Variants in PALM observed in about 807,000 individuals in gnomAD.
PALM encodes the protein paralemmin.
Under a neutral mutation model 30.7 loss-of-function variants are expected in PALM, and 18 were observed. That is an observed-to-expected ratio of 0.59 (90% CI 0.41 to 0.87). PALM has a LOEUF of 0.87. Ranked by LOEUF, PALM falls within the 40% of genes least tolerant of loss-of-function variation. The pLI is 0.00. For missense variants in PALM, 529 were observed against 555.4 expected, an observed-to-expected ratio of 0.95 and a Z score of 0.48; for synonymous variants, 286 against 242.8, an observed-to-expected ratio of 1.18 and a Z score of -1.66.
At chr19:737,560 G>A (rs2033059331) in intron 7 of PALM, among the ~76,000 whole-genome samples, 1 of 140,620 alleles carries the variant, frequency 7.1e-6, no homozygotes, top group Non-Finnish European at 1.6e-5. Context: ...GAGGGCTCAG[G>A]GGAGGGGAGC....
chr19:714,854 C>T (rs2032206668), intron 1 of PALM, among the ~76,000 whole-genome samples: 1 of 152,062 alleles, frequency 6.6e-6, no homozygotes, highest in Non-Finnish European at 1.5e-5. Flanking sequence ...CGGGGTCTCC[C>T]TGTGTTGCCC....
intron 4 of PALM, among the ~76,000 whole-genome samples, chr19:729,451 G>T (rs1035889657): frequency 4.7e-5 from 7 of 149,014 alleles, no homozygotes; most frequent in South Asian, 2.1e-4. Flanking sequence ...AAAATCCCAC[G>T]GTGCGTCTTT....
chr19:738,376 A>G (rs960786034), intron 7 of PALM, among the ~76,000 whole-genome samples: 18 of 152,142 alleles, frequency 1.2e-4, no homozygotes, highest in African/African-American at 4.3e-4. Flanking sequence ...AATACAAAAA[A>G]TTAGCTGGGC....
chr19:744,425 A>G (rs942016082), intron 8 of PALM, among the ~76,000 whole-genome samples: 1 of 151,714 alleles, frequency 6.6e-6, no homozygotes, highest in African/African-American at 2.4e-5. Context: ...TAGAAAGTGA[A>G]TAACATCATC....
rs150319495 is a variant in PALM, at chr19:733,855, G to A, written c.421-318G>A. Among the ~76,000 whole-genome samples, 22 of 152,264 alleles carry A rather than the reference G, an allele frequency of 1.4e-4. No individual in the cohort carries two copies. In the East Asian group the frequency reaches 3.9e-3, roughly 27 times the overall value. The stretch of plus-strand genomic sequence containing the variant: ...TACAAAATTAGCCAGGTGCGATGAC[G>A]CAGGCCTGTAACCCCAGCTACTGGG... On this transcript the variant is annotated intron_variant, in intron 5 of 8. Coordinates refer to ENST00000338448, the MANE Select transcript of PALM (RefSeq NM_002579.3).
intron 2 of PALM, 52 bp downstream of exon 2, chr19:726,241 G>C (rs533188204): frequency 2.0e-6 from 3 of 1,526,858 alleles, no homozygotes; most frequent in African/African-American, 2.7e-5. Context: ...GAAGTGGGGG[G>C]ACCTGGGGTC....
chr19:712,415 C>T (rs2032109215), intron 1 of PALM, among the ~76,000 whole-genome samples: 1 of 151,704 alleles, frequency 6.6e-6, no homozygotes, highest in African/African-American at 2.4e-5. Flanking sequence ...GAGACAGAGT[C>T]TTGCTCCATC....
In PALM at chr19:732,380, A is replaced by G. The variant is rs557821914; in HGVS notation, c.420+1135A>G. On this transcript the variant is annotated intron_variant, in intron 5 of 8. Coordinates refer to ENST00000338448, the MANE Select transcript of PALM (RefSeq NM_002579.3). ...TCGGCTGTTAATTCTGGCATCTGCC[A>G]TCTAAGCCAGACGATGTTAAAACCA... is the stretch of plus-strand genomic sequence containing the variant. 1.1e-4 allele frequency among the ~76,000 whole-genome samples: 16 copies of G among 152,306 alleles called. No homozygotes were observed. The South Asian group carries it at 3.1e-3, about 30-fold the overall frequency.
At chr19:713,175 G>GGC (rs76566011) in intron 1 of PALM, among the ~76,000 whole-genome samples, 43,630 of 151,664 alleles carry the variant, frequency 0.29, 6,910 homozygotes, top group East Asian at 0.44. Context: ...GGTCTTGTGG[G>GGC]GCGTGGTGGT....
rs551691104 is a variant in PALM, at chr19:734,087, C to T, written c.421-86C>T. 2.2e-4 allele frequency: 280 copies of T among 1,283,534 alleles called. 1 individual carries two copies. The East Asian group carries it at 6.3e-3, about 29-fold the overall frequency. The allele number at this position is 1,283,534 out of a possible 1,614,324, so 79.5% of individuals were successfully genotyped here. A position where few individuals can be genotyped will look rare whatever the true frequency, so the allele number is the denominator to read the frequency against. On this transcript the variant is annotated intron_variant, in intron 5 of 8. Coordinates refer to ENST00000338448, the MANE Select transcript of PALM (RefSeq NM_002579.3). ...GTATGACGTCACCCACTGTGCCATG[C>T]CCTCCCCAGGCTCCTGACCCCATGG...
intron 5 of PALM, among the ~76,000 whole-genome samples, chr19:731,893 C>T (rs185777232): frequency 1.3e-5 from 2 of 151,978 alleles, no homozygotes; most frequent in East Asian, 1.9e-4. Flanking sequence ...AACTCCTGAC[C>T]TCAGGTGATC....
intron 1 of PALM, among the ~76,000 whole-genome samples, chr19:716,990 C>T (rs539894504): frequency 7.9e-5 from 12 of 151,740 alleles, no homozygotes; most frequent in African/African-American, 2.7e-4. Context: ...AGTGCAGTGA[C>T]GTAATCCCGG....
At chr19:710,537 G>T (rs539634335) in intron 1 of PALM, among the ~76,000 whole-genome samples, 9 of 152,282 alleles carry the variant, frequency 5.9e-5, no homozygotes, top group African/African-American at 2.2e-4. Flanking sequence ...GGACGACGGA[G>T]ATCTCCCTCC....
chr19:736,160 G>T, intron 7 of PALM, 82 bp downstream of exon 7: 2 of 918,352 alleles, frequency 2.2e-6, no homozygotes, highest in South Asian at 1.4e-5. Flanking sequence ...GGGTGGGGCG[G>T]GGGCGACACC....
chr19:745,973 G>A (rs1240311427), intron 8 of PALM, among the ~76,000 whole-genome samples: 2 of 152,146 alleles, frequency 1.3e-5, no homozygotes, highest in Non-Finnish European at 1.5e-5. Flanking sequence ...CAGGAGAATC[G>A]CTTGAACCCG....
chr19:719,301 G>A lies in PALM; in HGVS notation c.6-6837G>A, dbSNP rs535508794. Reference sequence around the variant, plus strand: ...CCTTCCAACACCAACGCCCCGCACCGCGGAGGCCTCTGCGGGGCTCCCGTC... The same window carrying A: ...CCTTCCAACACCAACGCCCCGCACCACGGAGGCCTCTGCGGGGCTCCCGTC... On this transcript the variant is annotated intron_variant, in intron 1 of 8. Transcript: ENST00000338448. 16 of 985,338 alleles carry A rather than the reference G, an allele frequency of 1.6e-5. No individual in the cohort carries two copies. In the South Asian group the frequency reaches 5.6e-4, roughly 35 times the overall value. The allele number at this position is 985,338 out of a possible 1,614,324, so 61.0% of individuals were successfully genotyped here.
intron 1 of PALM, among the ~76,000 whole-genome samples, chr19:710,511 A>AGGGGGCTGCCTAGGAGGACGACG (rs2032038847): frequency 1.3e-5 from 2 of 151,752 alleles, no homozygotes; most frequent in Non-Finnish European, 2.9e-5. Context: ...GGCTGTGGGG[A>AGGGGGCTGCCTAGGAGGACGACG]GGGGGCTGCC....
At chr19:740,518 T>C (rs2144919113) in intron 8 of PALM, 35 bp downstream of exon 8, 1 of 1,532,708 alleles carries the variant, frequency 6.5e-7, no homozygotes, top group Non-Finnish European at 8.8e-7. Context: ...TCCCTCCACC[T>C]GGGCCAGAGC....
intron 4 of PALM, among the ~76,000 whole-genome samples, chr19:728,597 CAGAGGTTCG>C (rs1157600905): frequency 9.9e-5 from 15 of 152,120 alleles, no homozygotes; most frequent in Non-Finnish European, 2.9e-5. Context: ...CACTTGAGAT[CAGAGGTTCG>C]AGACCAACCT....
Sources: gnomAD v4.1 joint callset for allele counts (sites outside exome capture counted in the v4.1 genomes callset) on GRCh38, gnomAD v4.1.1 for gene constraint, MANE v1.5 for transcripts, NCBI Gene and HGNC (gene_info 2026-07-23, HGNC 2026-07-21) for gene names.